GLIS3: variants seen among roughly 807,000 people sequenced by gnomAD.
GLIS3 encodes the protein GLIS family zinc finger 3.
In GLIS3, 53 loss-of-function variants were observed where a neutral mutation model predicts 78.6. The observed-to-expected ratio is 0.67, with a 90% CI of 0.54 to 0.85. The LOEUF is 0.85. Ranked by LOEUF, GLIS3 falls within the 40% of genes least tolerant of loss-of-function variation. The probability of loss-of-function intolerance (pLI) is 0.00; values close to 1 mark genes in which losing one functional copy is unlikely to be tolerated. For missense variants in GLIS3, 1,703 were observed against 1,231.1 expected, an observed-to-expected ratio of 1.38 and a Z score of -5.74; for synonymous variants, 684 against 509.9, an observed-to-expected ratio of 1.34 and a Z score of -4.60.
intron 2 of GLIS3, chr9:4,151,131 C>T (rs181200388): frequency 1.3e-5 from 2 of 152,292 alleles, no homozygotes; most frequent in African/African-American, 2.4e-5. Context: ...TACTTAACAA[C>T]TGTGCCTAGA....
At chr9:4,197,954 G>C (rs1305055997) in intron 2 of GLIS3, among the ~76,000 whole-genome samples, 1 of 150,954 alleles carries the variant, frequency 6.6e-6, no homozygotes, top group South Asian at 2.1e-4. Context: ...AAGAGAAAGA[G>C]ACAAAAAGAA....
chr9:4,309,920 A>G (rs1817319791), intron 3 of GLIS3, among the ~76,000 whole-genome samples: 1 of 152,216 alleles, frequency 6.6e-6, no homozygotes, highest in South Asian at 2.1e-4. Context: ...ATTTCTCTCA[A>G]AGGTATGAAA....
the GLIS3 span, among the ~76,000 whole-genome samples, chr9:4,455,273 T>G: frequency 6.6e-6 from 1 of 152,176 alleles, no homozygotes; most frequent in South Asian, 2.1e-4. Flanking sequence ...CATCTTACGG[T>G]CTTCAGTTAT....
intron 2 of GLIS3, among the ~76,000 whole-genome samples, chr9:4,236,965 T>A (rs1822814961): frequency 6.6e-6 from 1 of 152,050 alleles, no homozygotes; most frequent in African/African-American, 2.4e-5. Context: ...TGAGAATCAT[T>A]TCCAGTTGCA....
At chr9:4,101,045 G>A (rs1445428846) in intron 4 of GLIS3, among the ~76,000 whole-genome samples, 1 of 152,200 alleles carries the variant, frequency 6.6e-6, no homozygotes, top group Non-Finnish European at 1.5e-5. Context: ...ATAAATCACA[G>A]CATCTTCACG....
intron 5 of GLIS3, among the ~76,000 whole-genome samples, chr9:3,934,515 T>G (rs1230886891): frequency 6.6e-6 from 1 of 151,920 alleles, no homozygotes; most frequent in Non-Finnish European, 1.5e-5. Context: ...GTTTAAGCGA[T>G]TCTCCTGCCT....
chr9:3,959,705 AT>A (rs1355922024), intron 4 of GLIS3, among the ~76,000 whole-genome samples: 1 of 152,106 alleles, frequency 6.6e-6, no homozygotes, highest in Non-Finnish European at 1.5e-5. Flanking sequence ...TCTCAGGAAC[AT>A]TTCTTCCCCT....
chr9:4,412,304 T>C, the GLIS3 span, among the ~76,000 whole-genome samples: 6 of 152,218 alleles, frequency 3.9e-5, no homozygotes, highest in African/African-American at 1.2e-4. Flanking sequence ...AATGGGTTTC[T>C]TTAACCAAAG....
At chr9:4,032,165 G>A (rs1823897098) in intron 4 of GLIS3, among the ~76,000 whole-genome samples, 1 of 152,186 alleles carries the variant, frequency 6.6e-6, no homozygotes. Flanking sequence ...CCTGATGTAT[G>A]GATGTGGAAA....
the GLIS3 span, among the ~76,000 whole-genome samples, chr9:4,355,150 A>G: frequency 6.6e-6 from 1 of 151,862 alleles, no homozygotes; most frequent in East Asian, 1.9e-4. Flanking sequence ...AAAGAAAAAG[A>G]AAAAGAAAAA....
the GLIS3 span, among the ~76,000 whole-genome samples, chr9:4,476,112 G>A: frequency 1.3e-5 from 2 of 152,014 alleles, no homozygotes; most frequent in African/African-American, 4.8e-5. Context: ...TAAAAATTAT[G>A]AAATTCTTAA....
chr9:3,921,487 A>T (rs887705572), intron 6 of GLIS3, among the ~76,000 whole-genome samples: 12 of 152,238 alleles, frequency 7.9e-5, no homozygotes, highest in Non-Finnish European at 2.9e-5. Flanking sequence ...ACAAAAAACA[A>T]GAACTACCAC....
chr9:3,922,352 A>G (rs1824946591), intron 6 of GLIS3, among the ~76,000 whole-genome samples: 1 of 152,240 alleles, frequency 6.6e-6, no homozygotes, highest in Non-Finnish European at 1.5e-5. Flanking sequence ...AAGTTAAGCC[A>G]CTGTGATTCA....
At chr9:4,102,668 G>A (rs756250698) in intron 4 of GLIS3, among the ~76,000 whole-genome samples, 46 of 152,104 alleles carry the variant, frequency 3.0e-4, no homozygotes, top group Non-Finnish European at 5.0e-4. Context: ...AAGCACTGCC[G>A]TAACTAGTAG....
intron 2 of GLIS3, among the ~76,000 whole-genome samples, chr9:4,182,656 G>A (rs1817435206): frequency 6.6e-6 from 1 of 152,118 alleles, no homozygotes; most frequent in South Asian, 2.1e-4. Flanking sequence ...ATATGGGCAA[G>A]ATCTCCATGA....
chr9:4,302,323 A>C (rs1308849541), upstream of GLIS3, among the ~76,000 whole-genome samples: 3 of 152,176 alleles, frequency 2.0e-5, no homozygotes, highest in Non-Finnish European at 4.4e-5. Context: ...CCAGTGTTGT[A>C]TGTGCCTCAA....
intron 4 of GLIS3, among the ~76,000 whole-genome samples, chr9:4,047,380 T>C (rs979099344): frequency 2.0e-5 from 3 of 152,262 alleles, no homozygotes; most frequent in South Asian, 2.1e-4. Context: ...ACTAATACAA[T>C]TGGGTAATCT....
the GLIS3 span, among the ~76,000 whole-genome samples, chr9:4,441,220 T>G: frequency 2.0e-5 from 3 of 152,242 alleles, no homozygotes; most frequent in East Asian, 5.8e-4. Flanking sequence ...ATGGGCATCT[T>G]TGCCTTATCC....
At chr9:4,180,591 T>C (rs1817226360) in intron 2 of GLIS3, among the ~76,000 whole-genome samples, 1 of 152,206 alleles carries the variant, frequency 6.6e-6, no homozygotes, top group Non-Finnish European at 1.5e-5. Flanking sequence ...AAACTTTCTC[T>C]TTCCAATTTT....
Sources: gnomAD v4.1 joint callset for allele counts (sites outside exome capture counted in the v4.1 genomes callset) on GRCh38, gnomAD v4.1.1 for gene constraint, MANE v1.5 for transcripts, NCBI Gene and HGNC (gene_info 2026-07-23, HGNC 2026-07-21) for gene names.